Variants in GLMN observed in about 807,000 individuals in gnomAD.
GLMN encodes glomulin.
GLMN carries 75 observed loss-of-function variants against 87.8 expected under a neutral mutation model. The observed-to-expected ratio is 0.85, with a 90% CI of 0.71 to 1.04. The LOEUF (loss-of-function observed/expected upper bound fraction) is 1.04, where lower values mean the gene tolerates loss of function less well. GLMN is among the 50% of genes least tolerant of loss of function. GLMN has a pLI of 0.00. For missense variants in GLMN, 588 were observed against 658.8 expected, an observed-to-expected ratio of 0.89 and a Z score of 1.18; for synonymous variants, 206 against 221.6, an observed-to-expected ratio of 0.93 and a Z score of 0.63.
chr1:92,259,712 G>GT (rs1173090059), intron 16 of GLMN, among the ~76,000 whole-genome samples: 2 of 131,150 alleles, frequency 1.5e-5, no homozygotes, highest in African/African-American at 2.7e-5. Context: ...CCATCATTTT[G>GT]TTTTTTCTTT....
chr1:92,301,346 T>C (rs1650843137), upstream of GLMN: 1 of 379,932 alleles, frequency 2.6e-6, no homozygotes, highest in Admixed American at 4.4e-5. Flanking sequence ...AATATTTTTA[T>C]TCAAAAAATT....
chr1:92,364,450 C>T, the GLMN span, among the ~76,000 whole-genome samples: 140 of 152,196 alleles, frequency 9.2e-4, no homozygotes, highest in African/African-American at 3.2e-3. Context: ...TTTCTCCCCC[C>T]AAAATGGTAT....
chr1:92,309,320 T>G, the GLMN span, among the ~76,000 whole-genome samples: 1 of 151,760 alleles, frequency 6.6e-6, no homozygotes, highest in African/African-American at 2.4e-5. Flanking sequence ...CACATGCCTG[T>G]AGTCTCAGCT....
At chr1:92,264,881 G>A (rs1570887155) in intron 13 of GLMN, among the ~76,000 whole-genome samples, 1 of 151,998 alleles carries the variant, frequency 6.6e-6, no homozygotes, top group Admixed American at 6.6e-5. Context: ...TCGCCCTGTC[G>A]CCCAGGCTGG....
chr1:92,291,394 G>C (rs755642482), intron 4 of GLMN, 24 bp downstream of exon 4: 1 of 1,528,520 alleles, frequency 6.5e-7, no homozygotes, highest in South Asian at 1.1e-5. Context: ...TTATGATAAA[G>C]AGAACCTTGT....
chr1:92,281,938 T>C (rs1276322810), intron 7 of GLMN, among the ~76,000 whole-genome samples: 4 of 152,134 alleles, frequency 2.6e-5, no homozygotes, highest in African/African-American at 7.2e-5. Context: ...CCTAAATATA[T>C]ATGCACCCAA....
the GLMN span, among the ~76,000 whole-genome samples, chr1:92,357,930 C>T: frequency 6.6e-6 from 1 of 152,092 alleles, no homozygotes; most frequent in African/African-American, 2.4e-5. Context: ...TTCATTTGCT[C>T]GTTTGTTTGT....
At chr1:92,349,643 C>G in the GLMN span, among the ~76,000 whole-genome samples, 3 of 152,124 alleles carry the variant, frequency 2.0e-5, no homozygotes, top group African/African-American at 7.2e-5. Context: ...TTTTTTAAAT[C>G]TGTGCCAGGT....
At chr1:92,322,015 G>A in the GLMN span, among the ~76,000 whole-genome samples, 4 of 144,510 alleles carry the variant, frequency 2.8e-5, no homozygotes, top group African/African-American at 7.7e-5. Flanking sequence ...GCGCGATCTC[G>A]GCTCACTGCA....
the GLMN span, among the ~76,000 whole-genome samples, chr1:92,349,254 C>T: frequency 6.6e-6 from 1 of 152,138 alleles, no homozygotes; most frequent in Admixed American, 6.5e-5. Context: ...GCAGTTGTCA[C>T]TTAAGATGAA....
chr1:92,299,202 G>C, upstream of GLMN: 2 of 1,159,652 alleles, frequency 1.7e-6, no homozygotes, highest in Non-Finnish European at 2.4e-6. Flanking sequence ...CCCCGATCTC[G>C]AGTTATAGAC....
the GLMN span, among the ~76,000 whole-genome samples, chr1:92,351,948 G>A: frequency 6.6e-6 from 1 of 152,268 alleles, no homozygotes; most frequent in African/African-American, 2.4e-5. Flanking sequence ...GCCAGGGAGA[G>A]AGGTGTGTGT....
intron 16 of GLMN, among the ~76,000 whole-genome samples, chr1:92,254,893 A>T (rs1372315484): frequency 2.0e-5 from 3 of 152,250 alleles, no homozygotes; most frequent in Non-Finnish European, 4.4e-5. Flanking sequence ...ACAGGATCAA[A>T]TTCACAGATA....
At chr1:92,350,117 T>A in the GLMN span, among the ~76,000 whole-genome samples, 3 of 152,178 alleles carry the variant, frequency 2.0e-5, no homozygotes, top group African/African-American at 7.2e-5. Context: ...ACTGATTCCA[T>A]GGGACTTGAA....
intron 16 of GLMN, among the ~76,000 whole-genome samples, chr1:92,253,400 A>T (rs1419892661): frequency 6.6e-6 from 1 of 152,210 alleles, no homozygotes; most frequent in Non-Finnish European, 1.5e-5. Flanking sequence ...ATCTCTCAGC[A>T]CAGCGCTTGA....
chr1:92,366,462 T>G, the GLMN span, among the ~76,000 whole-genome samples: 1 of 152,278 alleles, frequency 6.6e-6, no homozygotes, highest in South Asian at 2.1e-4. Flanking sequence ...TCCATGTTAT[T>G]TTATGGAAAA....
intron 7 of GLMN, among the ~76,000 whole-genome samples, chr1:92,275,714 C>A (rs929699041): frequency 6.6e-6 from 1 of 152,196 alleles, no homozygotes; most frequent in East Asian, 1.9e-4. Flanking sequence ...CATCTTACTT[C>A]CTAAATCCTA....
the GLMN span, among the ~76,000 whole-genome samples, chr1:92,313,014 C>T: frequency 1.3e-5 from 2 of 152,084 alleles, no homozygotes; most frequent in African/African-American, 2.4e-5. Flanking sequence ...CACAGGCATG[C>T]GCCACCACAC....
At chr1:92,299,850 G>A (rs1388669153), upstream of GLMN, among the ~76,000 whole-genome samples, 1 of 152,080 alleles carries the variant, frequency 6.6e-6, no homozygotes, top group Non-Finnish European at 1.5e-5. Flanking sequence ...TGTTTGTGTA[G>A]ACCTGACCTA....
Sources: allele counts gnomAD v4.1 joint callset (sites outside exome capture counted in the v4.1 genomes callset), GRCh38; gene constraint gnomAD v4.1.1; transcripts MANE v1.5; gene names NCBI Gene and HGNC (gene_info 2026-07-23, HGNC 2026-07-21).